Variants in MAD2L2 observed in about 807,000 individuals in gnomAD.
The protein encoded by MAD2L2 is mitotic arrest deficient 2 like 2.
A neutral mutation model predicts 30.5 loss-of-function variants in MAD2L2; 17 were observed. The ratio of observed to expected loss-of-function variants is 0.56; its 90% CI spans 0.38 to 0.84. The LOEUF (loss-of-function observed/expected upper bound fraction) is 0.84. MAD2L2 is among the 40% of genes least tolerant of loss of function. The pLI is 0.00. For synonymous variants in MAD2L2, 101 were observed against 113.9 expected (o/e 0.89, Z 0.72); for missense variants, 213 against 277.4 (o/e 0.77, Z 1.65).
chr1:11,674,992 C>T lies in MAD2L2; in HGVS notation c.594+90G>A, dbSNP rs1640732322. 1.5e-6 allele frequency: 2 copies of T among 1,313,260 alleles called. No individual in the cohort carries two copies. The highest frequency in any genetic ancestry group is 2.0e-5 in the Admixed American group (1 of 50,546). 81.4% of individuals were successfully genotyped at this position (1,313,260 alleles called of 1,614,324 possible). A position where few individuals can be genotyped will look rare whatever the true frequency, so the allele number is the denominator to read the frequency against. On this transcript the variant is annotated intron_variant, in intron 8 of 8. Transcript: ENST00000376692. The surrounding 1 kb of genome is among the most constrained non-coding windows in gnomAD (Gnocchi z 6.1). ...TCCACCAGGCACTCCCCCGTTCTCT[C>T]CCGCAAGCCCTCTAGTAAGGCCTCA... is the stretch of plus-strand genomic sequence containing the variant.
chr1:11,689,852 A>G (rs1641030179), intron 1 of MAD2L2, among the ~76,000 whole-genome samples: 1 of 151,826 alleles, frequency 6.6e-6, no homozygotes, highest in South Asian at 2.1e-4. Flanking sequence ...CTGTAACAAC[A>G]TGGTCCTATC....
At chr1:11,675,802 C>G in intron 6 of MAD2L2, 71 bp from the exon 7 acceptor site, 1 of 1,311,484 alleles carries the variant, frequency 7.6e-7, no homozygotes, top group Non-Finnish European at 1.1e-6. Context: ...AGCCTCTTCC[C>G]ACTTCCCTTG....
chr1:11,683,563 CAA>C (rs1035111656), upstream of MAD2L2, among the ~76,000 whole-genome samples: 4 of 151,894 alleles, frequency 2.6e-5, no homozygotes, highest in Non-Finnish European at 5.9e-5. Flanking sequence ...AGGTGAGGGA[CAA>C]AAGACTACAT....
chr1:11,685,232 G>A (rs181652023), upstream of MAD2L2, among the ~76,000 whole-genome samples: 22 of 151,994 alleles, frequency 1.4e-4, no homozygotes, highest in Non-Finnish European at 2.6e-4. Flanking sequence ...TGCCCAGCCC[G>A]AATTCAGGTT....
At chr1:11,685,519 A>G (rs932842038), upstream of MAD2L2, among the ~76,000 whole-genome samples, 2 of 152,108 alleles carry the variant, frequency 1.3e-5, no homozygotes, top group African/African-American at 4.8e-5. Context: ...TCTCTCCCCA[A>G]CACTGCCCCT....
In MAD2L2 at chr1:11,674,792, C is replaced by T. The variant is rs759967644; in HGVS notation, c.619G>A (p.Ala207Thr). 5.0e-6 allele frequency: 8 copies of T among 1,613,728 alleles called. No individual in the cohort carries two copies. In the Admixed American group the frequency reaches 5.0e-5, roughly 10 times the overall value. Residue 207 changes from alanine (A) to threonine (T), a missense_variant, in exon 9 of 9, where the codon GCT (alanine) becomes ACT (threonine). Physicochemically the swap from Ala to Thr is moderately conservative, Grantham distance 58. Coordinates refer to ENST00000376692, the MANE Select transcript of MAD2L2 (RefSeq NM_006341.4). The surrounding 1 kb of genome is among the most constrained non-coding windows in gnomAD (Gnocchi z 6.1). Reference protein sequence around the residue: ...LKMQLYVEERAHKGS With the variant: ...LKMQLYVEERTHKGS ...GTGCCCCCTCAGCTGCCTTTATGAG[C>T]GCGCTCTTCCACGTAAAGCTGCATC...
At chr1:11,681,945 T>TA (rs1050205529), upstream of MAD2L2, 1 of 152,208 alleles carries the variant, frequency 6.6e-6, no homozygotes, top group African/African-American at 2.4e-5. Flanking sequence ...CACTACATTT[T>TA]ACTGCTCCCA....
chr1:11,683,503 TTTGGGGA>T (rs1640908772), upstream of MAD2L2, among the ~76,000 whole-genome samples: 1 of 151,824 alleles, frequency 6.6e-6, no homozygotes, highest in Admixed American at 6.6e-5. Flanking sequence ...TATATTGGAC[TTTGGGGA>T]CTCGGGGGGA....
chr1:11,675,982 A>T, intron 6 of MAD2L2, 64 bp downstream of exon 6: 1 of 1,391,762 alleles, frequency 7.2e-7, no homozygotes, highest in Non-Finnish European at 1.0e-6. Context: ...GGACCTGGGA[A>T]CACAGACCAA....
rs1641050087 is a variant in MAD2L2 at position 11,690,923 on chromosome 1, CGT to C, written c.-692+488_-692+489del. Reference sequence around the variant, plus strand: ...ACGGGGCGTGGCGAGAGCCGCGCCGCGTGTGAGTGTGTGTGTGTGTGTGTTTG... The same window carrying C: ...ACGGGGCGTGGCGAGAGCCGCGCCGCGTGAGTGTGTGTGTGTGTGTGTTTG... On this transcript the variant is annotated intron_variant, in intron 1 of 10. Coordinates refer to the MAD2L2 transcript ENST00000235310. The surrounding 1 kb of genome is among the most constrained non-coding windows in gnomAD (Gnocchi z 4.2). Among the ~76,000 whole-genome samples, 1 of 147,172 alleles carries C rather than the reference CGT, an allele frequency of 6.8e-6. No homozygotes were observed. The highest frequency in any genetic ancestry group is 1.5e-5 in the Non-Finnish European group (1 of 66,058).
rs777238058 is a variant in MAD2L2 at position 11,675,140 on chromosome 1, A to G, written c.536T>C (p.Val179Ala). 1 of 1,604,580 alleles carries G rather than the reference A, an allele frequency of 6.2e-7. No individual in the cohort carries two copies. Among genetic ancestry groups the G allele is most frequent in the South Asian group, 1.1e-5 (1 of 90,132 alleles). The change falls in exon 8 of 9, where the codon GTC (valine) becomes GCC (alanine). Residue 179 changes from valine to alanine, a missense_variant. Physicochemically the swap from Val to Ala is moderately conservative, Grantham distance 64 (BLOSUM62 0). Transcript: ENST00000376692. ...FPWILADEQD[V>A]HMHDPRLIPL... ...TATCAGCCGGGGGTCATGCATGTGGACATCCTGCTCATCCGCCAGGATCCA... is the reference window on the plus strand; with the variant it reads ...TATCAGCCGGGGGTCATGCATGTGGGCATCCTGCTCATCCGCCAGGATCCA...
intron 4 of MAD2L2, 75 bp downstream of exon 4, chr1:11,677,468 A>C (rs777031454): frequency 4.3e-6 from 6 of 1,392,028 alleles, no homozygotes; most frequent in Non-Finnish European, 6.1e-6. Context: ...ACCCCATCCC[A>C]GAGTTGGACT....
upstream of MAD2L2, among the ~76,000 whole-genome samples, chr1:11,684,515 C>T (rs551128156): frequency 2.0e-4 from 31 of 152,078 alleles, no homozygotes; most frequent in Non-Finnish European, 3.8e-4. Flanking sequence ...GGGAAAATCA[C>T]TCCCAAGAGA....
chr1:11,686,330 C>T (rs893520720), intron 1 of MAD2L2, among the ~76,000 whole-genome samples: 1 of 152,178 alleles, frequency 6.6e-6, no homozygotes, highest in African/African-American at 2.4e-5. Flanking sequence ...AGATGGCTTC[C>T]GACACTTCAG....
At chr1:11,683,993 G>A (rs529926460), upstream of MAD2L2, among the ~76,000 whole-genome samples, 3 of 152,056 alleles carry the variant, frequency 2.0e-5, no homozygotes, top group Non-Finnish European at 4.4e-5. Flanking sequence ...AAAAAGTCTG[G>A]GTTTGGGGCC....
chr1:11,689,443 CAA>C (rs1206720274), intron 1 of MAD2L2, among the ~76,000 whole-genome samples: 1 of 151,910 alleles, frequency 6.6e-6, no homozygotes, highest in African/African-American at 2.4e-5. Context: ...ACTGAAAACA[CAA>C]AGTTAGCGGG....
intron 5 of MAD2L2, among the ~76,000 whole-genome samples, chr1:11,676,513 C>T (rs948622595): frequency 4.6e-5 from 7 of 152,170 alleles, no homozygotes; most frequent in Admixed American, 1.3e-4. Flanking sequence ...TGCCAGATTC[C>T]AGTGCCCTGA....
chr1:11,675,189 A>C lies in MAD2L2; in HGVS notation c.502-15T>G, dbSNP rs202001059. ...CAGGGGAAATCCTAGGGAGGAGACA[A>C]AGGTCAGGGGGGTGACGGGGCTGGG... On this transcript the variant is annotated splice_polypyrimidine_tract_variant and intron_variant, in intron 7 of 8. Transcript: ENST00000376692. 1.3e-4 allele frequency: 208 copies of C among 1,567,632 alleles called. 1 individual carries two copies. The African/African-American group carries it at 2.3e-3, about 17-fold the overall frequency.
chr1:11,675,828 C>A (rs759908670), intron 6 of MAD2L2, 97 bp from the exon 7 acceptor site: 1 of 1,085,024 alleles, frequency 9.2e-7, no homozygotes, highest in South Asian at 1.3e-5. Flanking sequence ...TCAGCAGCAC[C>A]CCCAGAGCAG....
Sources: gnomAD v4.1 joint callset for allele counts (sites outside exome capture counted in the v4.1 genomes callset) on GRCh38, gnomAD v4.1.1 for gene constraint, Gnocchi (gnomAD v3.1) non-coding constraint, MANE v1.5 for transcripts, NCBI Gene and HGNC (gene_info 2026-07-23, HGNC 2026-07-21) for gene names.